The following FARS2 variants were observed in gnomAD, a reference collection of about 807,000 sequenced individuals.
FARS2 encodes the protein phenylalanine--tRNA ligase, mitochondrial.
FARS2 carries 40 observed loss-of-function variants against 46.4 expected under a neutral mutation model. That is an observed-to-expected ratio of 0.86 (90% CI 0.67 to 1.12). The LOEUF is 1.12. FARS2 is among the 50% of genes most tolerant of loss of function. The pLI is 0.00. For synonymous variants in FARS2, 234 were observed against 214.9 expected (o/e 1.09, Z -0.78); for missense variants, 513 against 567.9 (o/e 0.90, Z 0.98).
intron 1 of FARS2, among the ~76,000 whole-genome samples, chr6:5,303,563 T>C (rs1175324719): frequency 6.6e-6 from 1 of 152,044 alleles, no homozygotes; most frequent in Non-Finnish European, 1.5e-5. Context: ...TCCCCACGAC[T>C]CTGTTTCTTA....
the FARS2 span, among the ~76,000 whole-genome samples, chr6:5,250,147 C>T: frequency 1.6e-4 from 25 of 151,982 alleles, no homozygotes; most frequent in Non-Finnish European, 3.4e-4. Context: ...TCTTTATTTT[C>T]TCATTGCTTT....
intron 6 of FARS2, among the ~76,000 whole-genome samples, chr6:5,654,021 G>C (rs183025813): frequency 6.6e-6 from 1 of 152,302 alleles, no homozygotes; most frequent in East Asian, 1.9e-4. Flanking sequence ...TATAGTATCA[G>C]TGGCACCCTG....
At chr6:5,753,584 C>T (rs1762060452) in intron 6 of FARS2, among the ~76,000 whole-genome samples, 1 of 152,186 alleles carries the variant, frequency 6.6e-6, no homozygotes, top group African/African-American at 2.4e-5. Flanking sequence ...CCTATCACCT[C>T]CCCATGTAAC....
At chr6:5,271,569 T>TTG (rs1265798253) in intron 1 of FARS2, among the ~76,000 whole-genome samples, 3 of 145,958 alleles carry the variant, frequency 2.1e-5, no homozygotes, top group African/African-American at 7.7e-5. Context: ...TGTTTTTTTT[T>TTG]TTTTTTTTTT....
chr6:5,695,707 C>T (rs1758059921), intron 6 of FARS2, among the ~76,000 whole-genome samples: 1 of 152,178 alleles, frequency 6.6e-6, no homozygotes, highest in Non-Finnish European at 1.5e-5. Context: ...AGCAGTTCTT[C>T]CTTTCTTGGA....
At chr6:5,288,401 GA>G (rs1767275834) in intron 1 of FARS2, among the ~76,000 whole-genome samples, 1 of 152,150 alleles carries the variant, frequency 6.6e-6, no homozygotes, top group Admixed American at 6.5e-5. Context: ...TGCTTTCCAA[GA>G]GGGAATCACT....
intron 1 of FARS2, among the ~76,000 whole-genome samples, chr6:5,335,384 T>C (rs1771081617): frequency 6.6e-6 from 1 of 152,204 alleles, no homozygotes. Context: ...CGCTTTATAT[T>C]GATGTTTCTT....
At chr6:5,385,939 G>A (rs1273603797) in intron 2 of FARS2, among the ~76,000 whole-genome samples, 2 of 152,138 alleles carry the variant, frequency 1.3e-5, no homozygotes, top group Admixed American at 6.5e-5. Context: ...GTTGAACCGA[G>A]TTGGATATAG....
intron 6 of FARS2, among the ~76,000 whole-genome samples, chr6:5,691,990 G>T (rs1161215260): frequency 6.6e-6 from 1 of 152,226 alleles, no homozygotes; most frequent in Admixed American, 6.5e-5. Flanking sequence ...TCCGAGCCAG[G>T]CGCGGGATAT....
At chr6:5,415,374 G>A (rs147619999) in intron 3 of FARS2, among the ~76,000 whole-genome samples, 2 of 132,108 alleles carry the variant, frequency 1.5e-5, no homozygotes, top group Admixed American at 1.8e-4. Context: ...GAGTGCAGTG[G>A]TGTGATCTCA....
In FARS2 at chr6:5,652,707, G is replaced by A. The variant is rs1033692945; in HGVS notation, c.1217+39387G>A. Among the ~76,000 whole-genome samples the A allele has an allele frequency of 4.6e-5, 7 of 152,230 alleles. No individual in the cohort carries two copies. In the South Asian group the frequency reaches 1.4e-3, roughly 32 times the overall value. On this transcript the variant is annotated intron_variant, in intron 6 of 6. Coordinates refer to ENST00000274680, the MANE Select transcript of FARS2 (RefSeq NM_006567.5). ...TTGTTACCGTCCGTGGCCTTGTGGG[G>A]TGCCTGGATTGAGGCCCAGCAAATG...
chr6:5,558,178 T>G (rs1771775825), intron 5 of FARS2, among the ~76,000 whole-genome samples: 1 of 152,192 alleles, frequency 6.6e-6, no homozygotes, highest in African/African-American at 2.4e-5. Context: ...TCCCTCATCC[T>G]GTACAAAAGA....
At chr6:5,618,748 C>T (rs558491892) in intron 6 of FARS2, among the ~76,000 whole-genome samples, 1 of 152,288 alleles carries the variant, frequency 6.6e-6, no homozygotes, top group South Asian at 2.1e-4. Flanking sequence ...CTATGGGCCA[C>T]TTAACGTGCA....
intron 5 of FARS2, among the ~76,000 whole-genome samples, chr6:5,555,390 C>T (rs147686869): frequency 6.6e-5 from 10 of 152,222 alleles, no homozygotes; most frequent in Admixed American, 2.6e-4. Flanking sequence ...TGATACTGAC[C>T]GATGAATGTG....
At chr6:5,365,086 C>T (rs1758565210) in intron 1 of FARS2, among the ~76,000 whole-genome samples, 1 of 151,554 alleles carries the variant, frequency 6.6e-6, no homozygotes, top group South Asian at 2.1e-4. Flanking sequence ...AAAAAAACCC[C>T]AAACAGACTA....
At chr6:5,745,601 T>C (rs1172290081) in intron 6 of FARS2, among the ~76,000 whole-genome samples, 1 of 152,206 alleles carries the variant, frequency 6.6e-6, no homozygotes, top group African/African-American at 2.4e-5. Context: ...TGCCACTGCA[T>C]GATCTTGAGT....
In FARS2 at chr6:5,343,529, T is replaced by A. The variant is rs1421646634; in HGVS notation, c.-21-25021T>A. 6.6e-6 allele frequency among the ~76,000 whole-genome samples: 1 copy of A among 152,166 alleles called. No individual in the cohort carries two copies. The highest frequency in any genetic ancestry group is 1.5e-5 in the Non-Finnish European group (1 of 68,026). ...GCCTGGCCTACATTTCAGTTATTCT[T>A]GATGTGTTTTAAAAGTGTGCATTCC... is the stretch of plus-strand genomic sequence containing the variant. On this transcript the variant is annotated intron_variant, in intron 1 of 6. Coordinates refer to ENST00000274680, the MANE Select transcript of FARS2 (RefSeq NM_006567.5). The surrounding 1 kb of genome is among the most constrained non-coding windows in gnomAD (Gnocchi z 4.5).
At chr6:5,421,454 T>C (rs565958596) in intron 3 of FARS2, among the ~76,000 whole-genome samples, 1 of 152,248 alleles carries the variant, frequency 6.6e-6, no homozygotes, top group African/African-American at 2.4e-5. Flanking sequence ...TTGTTACTTA[T>C]GCCAATTTCT....
intron 2 of FARS2, among the ~76,000 whole-genome samples, chr6:5,393,471 A>G (rs1428279459): frequency 1.3e-5 from 2 of 152,112 alleles, no homozygotes; most frequent in African/African-American, 2.4e-5. Context: ...CCTGGCCAAC[A>G]TGGTGAAACC....
Sources: allele counts gnomAD v4.1 joint callset (sites outside exome capture counted in the v4.1 genomes callset), GRCh38; gene constraint gnomAD v4.1.1; non-coding constraint Gnocchi (gnomAD v3.1); transcripts MANE v1.5; gene names NCBI Gene and HGNC (gene_info 2026-07-23, HGNC 2026-07-21).